Variants in GFOD1 observed in about 807,000 individuals in gnomAD.
The protein encoded by GFOD1 is Gfo/Idh/MocA-like oxidoreductase domain containing 1.
Under a neutral mutation model 25.4 loss-of-function variants are expected in GFOD1, and 9 were observed. That is an observed-to-expected ratio of 0.35 (90% CI 0.21 to 0.62). The LOEUF is 0.62. Among genes scored for constraint, GFOD1 ranks in the 20% least tolerant of loss-of-function variants. The pLI, the probability that GFOD1 is intolerant of heterozygous loss-of-function variation, is 0.72. For synonymous variants in GFOD1, 253 were observed against 245.6 expected, an observed-to-expected ratio of 1.03 and a Z score of -0.28; for missense variants, 403 against 556.9, an observed-to-expected ratio of 0.72 and a Z score of 2.78.
At chr6:13,420,841 A>G (rs1786244013) in intron 1 of GFOD1, among the ~76,000 whole-genome samples, 1 of 152,186 alleles carries the variant, frequency 6.6e-6, no homozygotes, top group Non-Finnish European at 1.5e-5. Flanking sequence ...GCAGGTTGTG[A>G]TGTGTTTCAA....
intron 1 of GFOD1, among the ~76,000 whole-genome samples, chr6:13,413,056 CCT>C (rs1164285771): frequency 1.3e-5 from 2 of 152,202 alleles, no homozygotes; most frequent in Non-Finnish European, 2.9e-5. Context: ...CATGGCCCAC[CCT>C]CTTGGCTCTG....
intron 1 of GFOD1, among the ~76,000 whole-genome samples, chr6:13,412,550 G>A (rs1786096371): frequency 6.6e-6 from 1 of 152,224 alleles, no homozygotes; most frequent in Non-Finnish European, 1.5e-5. Flanking sequence ...TGTGGAAGCA[G>A]AGCCAACATC....
At chr6:13,386,385 G>A (rs1286608808) in intron 1 of GFOD1, among the ~76,000 whole-genome samples, 1 of 152,156 alleles carries the variant, frequency 6.6e-6, no homozygotes, top group Non-Finnish European at 1.5e-5. Context: ...GGTGAAAGCT[G>A]ACTCCAGGTA....
At chr6:13,473,799 C>T (rs1001509942) in intron 1 of GFOD1, among the ~76,000 whole-genome samples, 3 of 152,134 alleles carry the variant, frequency 2.0e-5, no homozygotes, top group Non-Finnish European at 4.4e-5. Context: ...TGGGACCCTT[C>T]CAGCTCTCAG....
At chr6:13,372,371 G>A (rs776395612) in intron 1 of GFOD1, among the ~76,000 whole-genome samples, 10 of 152,132 alleles carry the variant, frequency 6.6e-5, no homozygotes, top group Non-Finnish European at 1.3e-4. Context: ...CTCTGTAACC[G>A]AGCCAAAATA....
chr6:13,464,829 C>T (rs538643587), intron 1 of GFOD1, among the ~76,000 whole-genome samples: 13 of 152,038 alleles, frequency 8.6e-5, no homozygotes, highest in African/African-American at 2.9e-4. Flanking sequence ...GTCTACCCTG[C>T]AGGGCTTCCC....
intron 1 of GFOD1, among the ~76,000 whole-genome samples, chr6:13,449,021 T>C (rs531691770): frequency 6.6e-6 from 1 of 152,314 alleles, no homozygotes; most frequent in Admixed American, 6.5e-5. Context: ...AAAACTGATT[T>C]GGTGCCTGTA....
rs1360826658 is a variant in GFOD1 at position 13,390,758 on chromosome 6, A to AGG, written c.254-25097_254-25096insCC. ...AAGAAAGAAAGACAGGAAGAGAGAG[A>AGG]GAAAGAGAGAGAGAGAGAGAGAAAG... is the stretch of plus-strand genomic sequence containing the variant. On this transcript the variant is annotated intron_variant, in intron 1 of 1. Transcript: ENST00000379287. Among the ~76,000 whole-genome samples the AGG allele has an allele frequency of 5.1e-5, 5 of 98,228 alleles. No homozygotes were observed. The East Asian group carries it at 1.3e-3, about 25-fold the overall frequency. The allele number at this position is 98,228 out of a possible 152,430, so 64.4% of individuals were successfully genotyped here. A position where few individuals can be genotyped will look rare whatever the true frequency, so the allele number is the denominator to read the frequency against.
chr6:13,386,367 A>C (rs1368445206), intron 1 of GFOD1, among the ~76,000 whole-genome samples: 1 of 151,992 alleles, frequency 6.6e-6, no homozygotes, highest in Non-Finnish European at 1.5e-5. Context: ...CTAGATACAC[A>C]CCGCGTAGGT....
chr6:13,364,715 C>T lies in GFOD1; in HGVS notation c.*28G>A, dbSNP rs753603992. 28 of 1,577,210 alleles carry T rather than the reference C, an allele frequency of 1.8e-5. No individual in the cohort carries two copies. In the South Asian group the frequency reaches 2.7e-4, roughly 15 times the overall value. ...CTCTGTGGACATCCCCTGCAGAAGGCTCAAGTCCCCGAGGTTCTCAATCTG... is the reference window on the plus strand; with the variant it reads ...CTCTGTGGACATCCCCTGCAGAAGGTTCAAGTCCCCGAGGTTCTCAATCTG... On this transcript the variant is annotated 3_prime_UTR_variant, in exon 2 of 2. Coordinates refer to ENST00000379287, the MANE Select transcript of GFOD1 (RefSeq NM_018988.4). This position sits in a 1 kb window ranked among gnomAD's most constrained non-coding sequence, Gnocchi z 4.1.
chr6:13,367,900 T>C lies in GFOD1; in HGVS notation c.254-2238A>G, dbSNP rs142197430. Reference sequence around the variant, plus strand: ...GCATGCTCACCCATAGACCCTCTAATGGAGACCTGGGCACTCCAGCCGCAG... The same window carrying C: ...GCATGCTCACCCATAGACCCTCTAACGGAGACCTGGGCACTCCAGCCGCAG... On this transcript the variant is annotated intron_variant, in intron 1 of 1. Transcript: ENST00000379287. 2.7e-3 allele frequency among the ~76,000 whole-genome samples: 410 copies of C among 152,110 alleles called. 4 individuals carry two copies. Among genetic ancestry groups the C allele is most frequent in the Admixed American group, 0.022 (331 of 15,286 alleles).
At chr6:13,456,082 G>T (rs1016121663) in intron 1 of GFOD1, among the ~76,000 whole-genome samples, 1 of 152,220 alleles carries the variant, frequency 6.6e-6, no homozygotes, top group Non-Finnish European at 1.5e-5. Context: ...GTTTTAAAGT[G>T]CAACAGCCCT....
At chr6:13,379,428 A>T (rs771440018) in intron 1 of GFOD1, among the ~76,000 whole-genome samples, 22 of 152,290 alleles carry the variant, frequency 1.4e-4, no homozygotes, top group Non-Finnish European at 1.0e-4. Flanking sequence ...ATGAGAATGG[A>T]GGAAGGTGGA....
At chr6:13,377,176 T>G (rs1198494905) in intron 1 of GFOD1, among the ~76,000 whole-genome samples, 1 of 152,180 alleles carries the variant, frequency 6.6e-6, no homozygotes, top group East Asian at 1.9e-4. Flanking sequence ...TTAGATGGCA[T>G]GTACATCTCC....
chr6:13,417,594 A>T (rs897009371), intron 1 of GFOD1, among the ~76,000 whole-genome samples: 2 of 152,230 alleles, frequency 1.3e-5, no homozygotes, highest in Non-Finnish European at 2.9e-5. Context: ...TAGCAACTAC[A>T]ACAGTGCTGC....
chr6:13,431,265 T>G (rs1337656470), intron 1 of GFOD1, among the ~76,000 whole-genome samples: 1 of 152,192 alleles, frequency 6.6e-6, no homozygotes, highest in Non-Finnish European at 1.5e-5. Flanking sequence ...TCTAGGCAAG[T>G]AAGATTATTA....
intron 1 of GFOD1, among the ~76,000 whole-genome samples, chr6:13,406,091 T>C (rs1293236225): frequency 1.3e-5 from 2 of 152,316 alleles, no homozygotes; most frequent in African/African-American, 4.8e-5. Context: ...CCAACTGTTA[T>C]ATTTTGGGTC....
At chr6:13,481,224 G>C (rs575027639) in intron 1 of GFOD1, among the ~76,000 whole-genome samples, 1 of 152,354 alleles carries the variant, frequency 6.6e-6, no homozygotes, top group East Asian at 1.9e-4. Flanking sequence ...TTCTAATTGG[G>C]AGGGGAGGAT....
intron 1 of GFOD1, among the ~76,000 whole-genome samples, chr6:13,463,465 G>A (rs990703317): frequency 1.1e-4 from 16 of 152,192 alleles, no homozygotes; most frequent in African/African-American, 3.4e-4. Context: ...GTTGGACAGC[G>A]CAAAACAGAA....
Sources: allele counts gnomAD v4.1 joint callset (sites outside exome capture counted in the v4.1 genomes callset), GRCh38; gene constraint gnomAD v4.1.1; non-coding constraint Gnocchi (gnomAD v3.1); transcripts MANE v1.5; gene names NCBI Gene and HGNC (gene_info 2026-07-23, HGNC 2026-07-21).